RXFP1: variants seen among roughly 807,000 people sequenced by gnomAD.
RXFP1 encodes the protein relaxin family peptide receptor 1.
A neutral mutation model predicts 89.8 loss-of-function variants in RXFP1; 73 were observed. The ratio of observed to expected loss-of-function variants is 0.81; its 90% CI spans 0.67 to 0.99. The LOEUF is 0.99. RXFP1 is among the 50% of genes least tolerant of loss of function. The pLI is 0.00. For synonymous variants in RXFP1, 277 were observed against 305.5 expected (o/e 0.91, Z 0.97); for missense variants, 793 against 895.5 (o/e 0.89, Z 1.46).
intron 1 of RXFP1, among the ~76,000 whole-genome samples, chr4:158,524,480 A>T (rs1242892481): frequency 2.6e-5 from 4 of 152,316 alleles, no homozygotes; most frequent in Non-Finnish European, 5.9e-5. Flanking sequence ...CTAGAATTCA[A>T]TTCAATAAGA....
rs149845150 is a variant in RXFP1, at chr4:158,650,432, A to AATAT, written c.1976-1309_1976-1306dup. On this transcript the variant is annotated intron_variant, in intron 17 of 17. Transcript: ENST00000307765. ...GCATATATCCTGTTAAATATATATA[A>AATAT]ATATATATATATATATATAATGCAG... 6.2e-3 allele frequency among the ~76,000 whole-genome samples: 904 copies of AATAT among 145,462 alleles called. 2 individuals are homozygous for AATAT. The highest frequency in any genetic ancestry group is 0.014 in the African/African-American group (570 of 39,548).
chr4:158,596,888 A>G (rs1449965309), intron 3 of RXFP1, among the ~76,000 whole-genome samples: 2 of 152,224 alleles, frequency 1.3e-5, no homozygotes, highest in Non-Finnish European at 2.9e-5. Flanking sequence ...CAAGAGAAAT[A>G]TATTTTTGCG....
chr4:158,610,691 C>G, intron 6 of RXFP1: 1 of 1,289,614 alleles, frequency 7.8e-7, no homozygotes, highest in African/African-American at 1.5e-5. Flanking sequence ...AACAGGTGAG[C>G]ATAGGGAGCA....
At chr4:158,592,820 G>A (rs1269404594) in intron 2 of RXFP1, among the ~76,000 whole-genome samples, 1 of 152,054 alleles carries the variant, frequency 6.6e-6, no homozygotes, top group Non-Finnish European at 1.5e-5. Context: ...TCAGGGCATG[G>A]TGGCGCACGC....
chr4:158,628,914 G>A (rs1177173197), intron 11 of RXFP1, among the ~76,000 whole-genome samples: 2 of 147,562 alleles, frequency 1.4e-5, no homozygotes, highest in Non-Finnish European at 1.5e-5. Context: ...TGAGGAAAGT[G>A]GGTTAAAGGA....
chr4:158,589,269 T>C (rs1415881015), intron 2 of RXFP1, among the ~76,000 whole-genome samples: 12 of 152,052 alleles, frequency 7.9e-5, no homozygotes, highest in Admixed American at 7.2e-4. Context: ...CAATTCAAGG[T>C]GAGATTTGAG....
chr4:158,626,681 A>C, intron 9 of RXFP1, 139 bp from the exon 10 acceptor site: 1 of 465,340 alleles, frequency 2.1e-6, no homozygotes, highest in East Asian at 3.9e-5. Context: ...GCTGTAATAG[A>C]AATGGCTACA....
intron 1 of RXFP1, among the ~76,000 whole-genome samples, chr4:158,524,006 G>A (rs1225050081): frequency 3.3e-5 from 5 of 152,152 alleles, no homozygotes; most frequent in Admixed American, 6.5e-5. Flanking sequence ...ACCATGTACC[G>A]GTTCTGTGGT....
intron 14 of RXFP1, among the ~76,000 whole-genome samples, chr4:158,642,886 C>T (rs1297390978): frequency 1.3e-5 from 2 of 152,154 alleles, no homozygotes; most frequent in East Asian, 3.8e-4. Flanking sequence ...GAGAGAGGGG[C>T]TCCTGAATAG....
In RXFP1 at chr4:158,628,594, G is replaced by A. The variant is rs764115018; in HGVS notation, c.828-44G>A. The A allele has an allele frequency of 2.5e-5, 23 of 920,958 alleles. No homozygotes were observed. The highest frequency in any genetic ancestry group is 1.2e-4 in the Admixed American group (6 of 49,742). The allele number at this position is 920,958 out of a possible 1,614,324, so 57.0% of individuals were successfully genotyped here. A position where few individuals can be genotyped will look rare whatever the true frequency, so the allele number is the denominator to read the frequency against. ...GTTCCTCTCTTTAGTAATTCTTGTCGGTTACCTAAAGAAGTTACAATGTAT... is the reference window on the plus strand; with the variant it reads ...GTTCCTCTCTTTAGTAATTCTTGTCAGTTACCTAAAGAAGTTACAATGTAT... On this transcript the variant is annotated intron_variant, in intron 10 of 17. Transcript: ENST00000307765.
At chr4:158,535,213 G>A (rs187401298) in intron 1 of RXFP1, among the ~76,000 whole-genome samples, 1 of 152,162 alleles carries the variant, frequency 6.6e-6, no homozygotes, top group African/African-American at 2.4e-5. Context: ...TGAGAAGTCT[G>A]GGGTAGTTTA....
At chr4:158,567,995 C>T (rs932524267) in intron 1 of RXFP1, among the ~76,000 whole-genome samples, 19 of 152,334 alleles carry the variant, frequency 1.2e-4, no homozygotes, top group African/African-American at 2.9e-4. Context: ...GTAACACTCA[C>T]CTCTAAGGTA....
chr4:158,586,368 T>A (rs1381289111), intron 2 of RXFP1, among the ~76,000 whole-genome samples: 1 of 152,228 alleles, frequency 6.6e-6, no homozygotes, highest in Non-Finnish European at 1.5e-5. Flanking sequence ...AGCTCTTTTT[T>A]AGTAAAAATA....
intron 9 of RXFP1, among the ~76,000 whole-genome samples, chr4:158,624,362 G>C (rs1055512539): frequency 2.6e-5 from 4 of 152,176 alleles, no homozygotes; most frequent in African/African-American, 9.6e-5. Flanking sequence ...GAAGCAGATA[G>C]AGAGTAAGAT....
At chr4:158,605,709 A>G (rs1401046152) in intron 5 of RXFP1, among the ~76,000 whole-genome samples, 3 of 152,140 alleles carry the variant, frequency 2.0e-5, no homozygotes, top group South Asian at 2.1e-4. Context: ...CTCAAAATCC[A>G]TACTGGCCCA....
intron 5 of RXFP1, among the ~76,000 whole-genome samples, chr4:158,606,188 A>G (rs537270606): frequency 7.2e-5 from 11 of 152,182 alleles, no homozygotes; most frequent in Non-Finnish European, 1.6e-4. Context: ...AGACTGAAGA[A>G]TTTTTCTGTA....
intron 1 of RXFP1, among the ~76,000 whole-genome samples, chr4:158,528,009 T>C (rs1743017507): frequency 6.6e-6 from 1 of 152,208 alleles, no homozygotes; most frequent in African/African-American, 2.4e-5. Flanking sequence ...AAATTTATTA[T>C]CTACCAAAAT....
intron 1 of RXFP1, among the ~76,000 whole-genome samples, chr4:158,542,109 ATT>A (rs56032847): frequency 8.5e-5 from 3 of 35,250 alleles, no homozygotes; most frequent in African/African-American, 2.8e-4. Flanking sequence ...ATATATATAT[ATT>A]TTTTTTTTAG....
chr4:158,524,566 AT>A (rs927887022), intron 1 of RXFP1, among the ~76,000 whole-genome samples: 2 of 152,130 alleles, frequency 1.3e-5, no homozygotes, highest in African/African-American at 4.8e-5. Flanking sequence ...AGCCTTGAGA[AT>A]TTTTCATTCT....
Sources: gnomAD v4.1 joint callset for allele counts (sites outside exome capture counted in the v4.1 genomes callset) on GRCh38, gnomAD v4.1.1 for gene constraint, MANE v1.5 for transcripts, NCBI Gene and HGNC (gene_info 2026-07-23, HGNC 2026-07-21) for gene names.